The following KCNIP4 variants were observed in gnomAD, a reference collection of about 807,000 sequenced individuals.
KCNIP4 encodes the protein potassium voltage-gated channel interacting protein 4.
Under a neutral mutation model 34.0 loss-of-function variants are expected in KCNIP4, and 12 were observed. The observed-to-expected ratio is 0.35, with a 90% CI of 0.23 to 0.57. The LOEUF (loss-of-function observed/expected upper bound fraction) is 0.57. KCNIP4 is among the 20% of genes least tolerant of loss of function. KCNIP4 has a pLI of 0.83. For synonymous variants in KCNIP4, 124 were observed against 102.2 expected, an observed-to-expected ratio of 1.21 and a Z score of -1.29; for missense variants, 238 against 311.7, an observed-to-expected ratio of 0.76 and a Z score of 1.78.
intron 2 of KCNIP4, among the ~76,000 whole-genome samples, chr4:20,873,504 C>T (rs1163714584): frequency 6.6e-6 from 1 of 152,172 alleles, no homozygotes; most frequent in Non-Finnish European, 1.5e-5. Context: ...TATTTTACCA[C>T]TGAGTTTCAG....
At position 21,123,692 on chromosome 4, in the gene KCNIP4, A is replaced by T. The variant is rs180793009; in HGVS notation, c.62-240983T>A. ...TTCACACGTTGAAGCCCTAACCCCC[A>T]ATGTGATGATACTTGGAGGTTATTG... is the stretch of plus-strand genomic sequence containing the variant. On this transcript the variant is annotated intron_variant, in intron 1 of 8. Transcript: ENST00000382152. Among the ~76,000 whole-genome samples the T allele has an allele frequency of 3.3e-5, 5 of 152,284 alleles. No homozygotes were observed. In the East Asian group the frequency reaches 9.6e-4, roughly 29 times the overall value.
At chr4:21,898,609 C>T (rs775129868) in intron 1 of KCNIP4, among the ~76,000 whole-genome samples, 1 of 152,138 alleles carries the variant, frequency 6.6e-6, no homozygotes, top group African/African-American at 2.4e-5. Flanking sequence ...GACTAATAAG[C>T]ACCTGGGCCC....
At chr4:21,030,242 T>C (rs978178638) in intron 1 of KCNIP4, among the ~76,000 whole-genome samples, 4 of 152,096 alleles carry the variant, frequency 2.6e-5, no homozygotes, top group African/African-American at 9.7e-5. Flanking sequence ...GTGAACCCTA[T>C]TGTGAACTGT....
chr4:21,491,542 T>C (rs1732398702), intron 1 of KCNIP4, among the ~76,000 whole-genome samples: 1 of 151,926 alleles, frequency 6.6e-6, no homozygotes, highest in Non-Finnish European at 1.5e-5. Flanking sequence ...GCTGGGCAAA[T>C]TTTTTTTATT....
intron 1 of KCNIP4, among the ~76,000 whole-genome samples, chr4:21,129,812 G>A (rs1750923327): frequency 6.6e-6 from 1 of 151,874 alleles, no homozygotes; most frequent in Admixed American, 6.6e-5. Context: ...TTTAAAATGT[G>A]TCTGATAAAA....
chr4:21,400,522 T>TCTCCACTCCCCTCCCCTCCCTTC lies in KCNIP4; in HGVS notation c.62-517814_62-517813insGAAGGGAGGGGAGGGGAGTGGAG, dbSNP rs1560369240. 1.2e-3 allele frequency among the ~76,000 whole-genome samples: 41 copies of TCTCCACTCCCCTCCCCTCCCTTC among 33,946 alleles called. 1 individual carries two copies. In the East Asian group the frequency reaches 0.038, roughly 32 times the overall value. 22.3% of individuals were successfully genotyped at this position (33,946 alleles called of 152,430 possible). On this transcript the variant is annotated intron_variant, in intron 1 of 8. Transcript: ENST00000382152. ...CCCTTCCCCTCCCTTCCTCTTCTCT[T>TCTCCACTCCCCTCCCCTCCCTTC]CTCTTCTCTTCTCTTCTCTTCTCTT...
At chr4:20,949,060 G>A (rs1041430052) in intron 1 of KCNIP4, among the ~76,000 whole-genome samples, 6 of 152,166 alleles carry the variant, frequency 3.9e-5, no homozygotes, top group Non-Finnish European at 7.4e-5. Flanking sequence ...AAGTGGCCGT[G>A]ATTTTTTGAG....
rs536577761 is a variant in KCNIP4 at position 21,717,066 on chromosome 4, A to G, written c.61+231505T>C. On this transcript the variant is annotated intron_variant, in intron 1 of 8. Transcript: ENST00000382152. ...AATCTCACCTTTCTCTCTTACACTC[A>G]TTATTGTCATAGTGTTTCTCAAACT... Among the ~76,000 whole-genome samples, 3 of 152,226 alleles carry G rather than the reference A, an allele frequency of 2.0e-5. No homozygotes were observed. In the South Asian group the frequency reaches 6.2e-4, roughly 32 times the overall value.
At chr4:21,846,915 A>G (rs1724055423) in intron 1 of KCNIP4, 1 of 152,214 alleles carries the variant, frequency 6.6e-6, no homozygotes, top group Non-Finnish European at 1.5e-5. Flanking sequence ...GCATATGCCA[A>G]TCTATGTTGG....
intron 1 of KCNIP4, among the ~76,000 whole-genome samples, chr4:21,053,008 TATACACACACACACAC>T (rs1300502264): frequency 2.6e-5 from 4 of 151,368 alleles, no homozygotes; most frequent in African/African-American, 4.9e-5. Context: ...GAAAGATATG[TATACACACACACACAC>T]ATACACACAC....
intron 1 of KCNIP4, among the ~76,000 whole-genome samples, chr4:21,752,207 C>T (rs1717195765): frequency 6.6e-6 from 1 of 152,090 alleles, no homozygotes; most frequent in Non-Finnish European, 1.5e-5. Context: ...TGTCCATTTT[C>T]ACACTGCTAT....
At chr4:20,880,254 G>T (rs970035701) in intron 2 of KCNIP4, among the ~76,000 whole-genome samples, 1 of 151,980 alleles carries the variant, frequency 6.6e-6, no homozygotes, top group Non-Finnish European at 1.5e-5. Context: ...ATCTTTCTTT[G>T]CACTTTCCAA....
chr4:21,144,765 T>C (rs1752230276), intron 1 of KCNIP4, among the ~76,000 whole-genome samples: 1 of 152,214 alleles, frequency 6.6e-6, no homozygotes, highest in South Asian at 2.1e-4. Context: ...TAGAGCCATT[T>C]TTGTCCTTTC....
At chr4:21,615,364 C>T (rs991157884) in intron 1 of KCNIP4, among the ~76,000 whole-genome samples, 2 of 148,690 alleles carry the variant, frequency 1.3e-5, no homozygotes, top group East Asian at 2.1e-4. Context: ...CACGGTGAAA[C>T]CCCGTCTCTA....
intron 1 of KCNIP4, among the ~76,000 whole-genome samples, chr4:21,753,838 A>T (rs1717320892): frequency 6.6e-6 from 1 of 152,144 alleles, no homozygotes; most frequent in South Asian, 2.1e-4. Flanking sequence ...CTCTGATGAC[A>T]TTCTGATGAG....
intron 3 of KCNIP4, among the ~76,000 whole-genome samples, chr4:20,786,241 G>T (rs941512413): frequency 6.6e-6 from 1 of 152,032 alleles, no homozygotes; most frequent in African/African-American, 2.4e-5. Flanking sequence ...GAGAGTTAAG[G>T]CTTGGGAACA....
chr4:21,052,707 G>C (rs1577602590), intron 1 of KCNIP4, among the ~76,000 whole-genome samples: 1 of 152,128 alleles, frequency 6.6e-6, no homozygotes, highest in African/African-American at 2.4e-5. Flanking sequence ...TCTCAATGCT[G>C]TTTCCCCTTC....
chr4:21,150,205 A>G (rs1752658600), intron 1 of KCNIP4, among the ~76,000 whole-genome samples: 1 of 152,188 alleles, frequency 6.6e-6, no homozygotes, highest in South Asian at 2.1e-4. Context: ...TCAAAGGAGC[A>G]TGGAGTTCCA....
At position 20,805,186 on chromosome 4, in the gene KCNIP4, C is replaced by CTTTTTTT. The variant is rs10552321; in HGVS notation, c.288+45350_288+45356dup. On this transcript the variant is annotated intron_variant, in intron 3 of 8. Coordinates refer to ENST00000382152, the MANE Select transcript of KCNIP4 (RefSeq NM_025221.6). ...AAGCAGAAAATATCATAGATGCTTC[C>CTTTTTTT]TTTTTTTTTTTTTTTTTTTTTTTTT... Among the ~76,000 whole-genome samples, 16 of 92,106 alleles carry CTTTTTTT rather than the reference C, an allele frequency of 1.7e-4. No homozygotes were observed. The East Asian group carries it at 2.0e-3, about 11-fold the overall frequency. 60.4% of individuals were successfully genotyped at this position (92,106 alleles called of 152,430 possible). A position where few individuals can be genotyped will look rare whatever the true frequency, so the allele number is the denominator to read the frequency against.
Sources: allele counts gnomAD v4.1 joint callset (sites outside exome capture counted in the v4.1 genomes callset), GRCh38; gene constraint gnomAD v4.1.1; transcripts MANE v1.5; gene names NCBI Gene and HGNC (gene_info 2026-07-23, HGNC 2026-07-21).